The following MACROD2 variants were observed in gnomAD, a reference collection of about 807,000 sequenced individuals.
MACROD2 encodes ADP-ribose glycohydrolase MACROD2.
Under a neutral mutation model 70.4 loss-of-function variants are expected in MACROD2, and 36 were observed. That is an observed-to-expected ratio of 0.51 (90% CI 0.39 to 0.68). The LOEUF is 0.68. MACROD2 is among the 30% of genes least tolerant of loss of function. The pLI is 0.00. For missense variants in MACROD2, 496 were observed against 538.4 expected, an observed-to-expected ratio of 0.92 and a Z score of 0.78; for synonymous variants, 172 against 178.8, an observed-to-expected ratio of 0.96 and a Z score of 0.30.
At position 15,487,375 on chromosome 20, in the gene MACROD2, T is replaced by C. The variant is rs534110200; in HGVS notation, c.572-12399T>C. Among the ~76,000 whole-genome samples the C allele has an allele frequency of 2.0e-5, 3 of 152,362 alleles. No homozygotes were observed. The South Asian group carries it at 6.2e-4, about 32-fold the overall frequency. ...TAGGAATGCCTCACTTGATATCTTT[T>C]GGAATGTCTTTGAAAATGAGTTTTA... On this transcript the variant is annotated intron_variant, in intron 7 of 17. Coordinates refer to ENST00000684519, the MANE Select transcript of MACROD2 (RefSeq NM_001351661.2).
intron 5 of MACROD2, among the ~76,000 whole-genome samples, chr20:14,900,308 G>A (rs189172935): frequency 5.3e-5 from 8 of 152,022 alleles, no homozygotes; most frequent in Admixed American, 1.3e-4. Context: ...TTTAGTATCC[G>A]AATAATACTG....
intron 4 of MACROD2, among the ~76,000 whole-genome samples, chr20:14,625,753 C>T (rs748813403): frequency 7.9e-5 from 12 of 152,172 alleles, no homozygotes; most frequent in Non-Finnish European, 1.5e-4. Context: ...CCAGGTATGA[C>T]TTTGCCTTTC....
chr20:14,033,525 G>A (rs1432179126), intron 2 of MACROD2, among the ~76,000 whole-genome samples: 2 of 152,098 alleles, frequency 1.3e-5, no homozygotes, highest in Non-Finnish European at 2.9e-5. Flanking sequence ...AAAACATCCT[G>A]TTGGGTTTTG....
At chr20:15,097,208 T>G (rs960227418) in intron 5 of MACROD2, among the ~76,000 whole-genome samples, 5 of 152,186 alleles carry the variant, frequency 3.3e-5, no homozygotes, top group African/African-American at 7.2e-5. Context: ...CAAACTTGCA[T>G]CATTATGGAA....
rs1292123339 is a variant in MACROD2, at chr20:15,317,515, ATCTATCTATCTG to A, written c.540+87466_540+87477del. Among the ~76,000 whole-genome samples the A allele has an allele frequency of 4.8e-4, 72 of 149,096 alleles. 1 individual carries two copies. The South Asian group carries it at 0.012, about 25-fold the overall frequency. ...TATCTATCTATCTATCTATCTATCT[ATCTATCTATCTG>A]TCTATCTATCTCTATCAAGATATTT... On this transcript the variant is annotated intron_variant, in intron 6 of 17. Coordinates refer to ENST00000684519, the MANE Select transcript of MACROD2 (RefSeq NM_001351661.2).
intron 4 of MACROD2, among the ~76,000 whole-genome samples, chr20:14,528,756 G>A (rs1568655731): frequency 6.6e-6 from 1 of 152,052 alleles, no homozygotes; most frequent in Non-Finnish European, 1.5e-5. Flanking sequence ...CCATTGATTA[G>A]GTTGGGTTGG....
chr20:14,640,030 G>A (rs145269318), intron 4 of MACROD2, among the ~76,000 whole-genome samples: 3 of 152,044 alleles, frequency 2.0e-5, no homozygotes, highest in Non-Finnish European at 4.4e-5. Flanking sequence ...TACTTTTTTG[G>A]TACTTCGGGG....
In MACROD2 at chr20:15,457,072, TTTTA is replaced by T. The variant is rs747948293; in HGVS notation, c.571+25638_571+25641del. On this transcript the variant is annotated intron_variant, in intron 7 of 17. Coordinates refer to ENST00000684519, the MANE Select transcript of MACROD2 (RefSeq NM_001351661.2). ...CCTTTCTTCTTTTTTTTTTTTTTTT[TTTTA>T]AAAAAAAAGCATTTGACTTTTGAAT... is the stretch of plus-strand genomic sequence containing the variant. Among the ~76,000 whole-genome samples, 958 of 132,538 alleles carry T rather than the reference TTTTA, an allele frequency of 7.2e-3. 3 individuals carry two copies. The highest frequency in any genetic ancestry group is 0.01 in the African/African-American group (378 of 36,732). 87.0% of individuals were successfully genotyped at this position (132,538 alleles called of 152,430 possible). A position where few individuals can be genotyped will look rare whatever the true frequency, so the allele number is the denominator to read the frequency against.
chr20:14,217,828 C>A (rs1485305687), intron 3 of MACROD2, among the ~76,000 whole-genome samples: 1 of 152,028 alleles, frequency 6.6e-6, no homozygotes, highest in East Asian at 1.9e-4. Context: ...AATGATCTTT[C>A]ATATTTCAGT....
chr20:14,421,487 C>T (rs2083875464), intron 3 of MACROD2, among the ~76,000 whole-genome samples: 3 of 152,126 alleles, frequency 2.0e-5, no homozygotes, highest in African/African-American at 7.2e-5. Context: ...ATCTAGATTA[C>T]TCAGTTTGTT....
At chr20:15,558,147 C>T (rs901284320) in intron 8 of MACROD2, among the ~76,000 whole-genome samples, 11 of 152,204 alleles carry the variant, frequency 7.2e-5, no homozygotes, top group African/African-American at 2.4e-4. Flanking sequence ...TCATTAGATC[C>T]TGGCCCAAAG....
chr20:14,000,081 C>T (rs1032137807), intron 1 of MACROD2, among the ~76,000 whole-genome samples: 5 of 152,166 alleles, frequency 3.3e-5, no homozygotes, highest in East Asian at 1.9e-4. Context: ...GTGACAACTA[C>T]GATTTATTTC....
At chr20:15,043,552 C>T (rs2075370930) in intron 5 of MACROD2, among the ~76,000 whole-genome samples, 2 of 152,198 alleles carry the variant, frequency 1.3e-5, no homozygotes, top group South Asian at 2.1e-4. Flanking sequence ...TCTTGGGCCC[C>T]TGTACTCCTG....
intron 6 of MACROD2, among the ~76,000 whole-genome samples, chr20:15,276,561 T>C (rs1032509293): frequency 1.5e-4 from 23 of 152,184 alleles, no homozygotes; most frequent in East Asian, 1.9e-4. Context: ...ATCAGGAGGC[T>C]ACACAAAAAC....
At chr20:15,752,620 TTTCTTCTTTA>T (rs1217480519) in intron 8 of MACROD2, among the ~76,000 whole-genome samples, 1 of 152,134 alleles carries the variant, frequency 6.6e-6, no homozygotes, top group Non-Finnish European at 1.5e-5. Flanking sequence ...CATTGCATGG[TTTCTTCTTTA>T]GTGAAAAATC....
chr20:14,800,757 G>A (rs1449678697), intron 5 of MACROD2, among the ~76,000 whole-genome samples: 1 of 152,114 alleles, frequency 6.6e-6, no homozygotes, highest in African/African-American at 2.4e-5. Context: ...TCATCCGGAG[G>A]TTAGTCGTAG....
intron 8 of MACROD2, among the ~76,000 whole-genome samples, chr20:15,584,959 C>T (rs1047671830): frequency 7.9e-5 from 12 of 152,206 alleles, no homozygotes; most frequent in Middle Eastern, 3.2e-3. Context: ...CTCCAACAGA[C>T]GGGCTGGTTG....
At chr20:15,740,393 C>G (rs183633003) in intron 8 of MACROD2, among the ~76,000 whole-genome samples, 16 of 152,194 alleles carry the variant, frequency 1.1e-4, no homozygotes, top group Admixed American at 7.9e-4. Context: ...AATTAATTCC[C>G]TGCAGAATGA....
chr20:14,588,478 C>A (rs1051973065), intron 4 of MACROD2, among the ~76,000 whole-genome samples: 1 of 151,948 alleles, frequency 6.6e-6, no homozygotes, highest in Non-Finnish European at 1.5e-5. Context: ...CTATTTAGTT[C>A]TTTTCTGGCT....
Sources: gnomAD v4.1 joint callset for allele counts (sites outside exome capture counted in the v4.1 genomes callset) on GRCh38, gnomAD v4.1.1 for gene constraint, MANE v1.5 for transcripts, NCBI Gene and HGNC (gene_info 2026-07-23, HGNC 2026-07-21) for gene names.